Variants in ARNT observed in about 807,000 individuals in gnomAD.
ARNT encodes aryl hydrocarbon receptor nuclear translocator, also known as class E basic helix-loop-helix protein 2.
A neutral mutation model predicts 105.0 loss-of-function variants in ARNT; 30 were observed. The ratio of observed to expected loss-of-function variants is 0.29; its 90% CI spans 0.21 to 0.39. The LOEUF (loss-of-function observed/expected upper bound fraction) is 0.39. ARNT is among the 10% of genes least tolerant of loss of function. The pLI is 1.00. For synonymous variants in ARNT, 304 were observed against 344.0 expected (o/e 0.88, Z 1.29); for missense variants, 748 against 978.7 (o/e 0.76, Z 3.15).
intron 1 of ARNT, among the ~76,000 whole-genome samples, chr1:150,875,036 T>C (rs1668035662): frequency 6.6e-6 from 1 of 152,216 alleles, no homozygotes; most frequent in African/African-American, 2.4e-5. Context: ...AGGCCACTTC[T>C]TAATAAGAGA....
chr1:150,873,760 A>C (rs1667826967), intron 1 of ARNT, among the ~76,000 whole-genome samples: 1 of 152,024 alleles, frequency 6.6e-6, no homozygotes, highest in African/African-American at 2.4e-5. Flanking sequence ...TTCTACAAAA[A>C]GTTAAAAAAT....
intron 1 of ARNT, 134 bp from the exon 2 acceptor site, chr1:150,858,594 C>A: frequency 1.5e-6 from 1 of 663,102 alleles, no homozygotes; most frequent in Non-Finnish European, 2.5e-6. Flanking sequence ...CCCAAATGCT[C>A]ATATCCAGAT....
intron 1 of ARNT, among the ~76,000 whole-genome samples, chr1:150,862,876 C>T (rs1665896398): frequency 1.3e-5 from 2 of 151,776 alleles, no homozygotes; most frequent in Non-Finnish European, 1.5e-5. Context: ...TATGGTGAAA[C>T]TCCGTGTCTA....
rs1307503140 is a variant in ARNT at position 150,826,609 on chromosome 1, T to C, written c.1176A>G (p.Leu392=). ...GACAGAATTCTACAATATTCTTTCCTAAGAGTTCCTAGAATACAGAAAGAA... is the reference window on the plus strand; with the variant it reads ...GACAGAATTCTACAATATTCTTTCCCAAGAGTTCCTAGAATACAGAAAGAA... ...ATVGYQPQEL[L]GKNIVEFCHP... is the part of the protein sequence containing the mutation. The change falls in exon 13 of 22, where the codon TTA becomes TTG. Residue 392 remains leucine, a synonymous_variant. Coordinates refer to ENST00000358595, the MANE Select transcript of ARNT (RefSeq NM_001668.4). The C allele has an allele frequency of 6.2e-7, 1 of 1,609,650 alleles. No homozygotes were observed. Among genetic ancestry groups the C allele is most frequent in the Admixed American group, 1.7e-5 (1 of 59,958 alleles).
intron 15 of ARNT, among the ~76,000 whole-genome samples, 172 bp from the exon 16 acceptor site, chr1:150,817,605 C>T (rs949235661): frequency 4.6e-5 from 7 of 151,994 alleles, no homozygotes; most frequent in Non-Finnish European, 8.8e-5. Flanking sequence ...GTCAGGAGTT[C>T]GACACCAGCC....
At chr1:150,840,630 T>C (rs1557901846) in intron 5 of ARNT, among the ~76,000 whole-genome samples, 1 of 152,220 alleles carries the variant, frequency 6.6e-6, no homozygotes, top group Non-Finnish European at 1.5e-5. Flanking sequence ...CACCATCTAC[T>C]AAAAGTCCCA....
Position 150,816,252 on chromosome 1 carries a change from G to T in ARNT, c.1950+7C>A. 1 of 1,599,054 alleles carries T rather than the reference G, an allele frequency of 6.3e-7. No homozygotes were observed. The highest frequency in any genetic ancestry group is 8.5e-7 in the Non-Finnish European group (1 of 1,175,696). ...TACACAGGGAACACACAGATGATAA[G>T]TTTTACCTGGGCAGAAAAGCCTGAG... is the stretch of plus-strand genomic sequence containing the variant. On this transcript the variant is annotated splice_region_variant and intron_variant, in intron 19 of 21. Coordinates refer to ENST00000358595, the MANE Select transcript of ARNT (RefSeq NM_001668.4).
In ARNT at chr1:150,814,148, A is replaced by G. The variant is rs769627388; in HGVS notation, c.2042T>C (p.Leu681Pro). ...QTPSSFSSMS[L>P]PGAPTASPGA... is the part of the protein sequence containing the mutation. ...AGGCGATGCAGTTGGGGCACCAGGG[A>G]GGGACATGGAGCTGAAGGAGGATGG... The change falls in exon 20 of 22, where the codon CTC becomes CCC. Residue 681 changes from leucine to proline, a missense_variant. Physicochemically the swap from Leu to Pro is moderately conservative, Grantham distance 98. Transcript: ENST00000358595. 1 of 1,614,172 alleles carries G rather than the reference A, an allele frequency of 6.2e-7. No individual in the cohort carries two copies. The highest frequency in any genetic ancestry group is 8.5e-7 in the Non-Finnish European group (1 of 1,180,024).
intron 10 of ARNT, 139 bp from the exon 11 acceptor site, chr1:150,830,119 G>A (rs1013179927): frequency 1.1e-6 from 1 of 891,206 alleles, no homozygotes; most frequent in Non-Finnish European, 1.7e-6. Flanking sequence ...AACACTTTGG[G>A]AAGCCAAGGT....
intron 21 of ARNT, among the ~76,000 whole-genome samples, chr1:150,812,950 G>C (rs765867480): frequency 3.0e-4 from 46 of 152,276 alleles, no homozygotes; most frequent in Non-Finnish European, 4.3e-4. Flanking sequence ...CCCTGCTTCA[G>C]CCTTCTAAGG....
intron 14 of ARNT, among the ~76,000 whole-genome samples, chr1:150,821,432 C>A (rs587605667): frequency 3.9e-5 from 6 of 152,290 alleles, no homozygotes; most frequent in African/African-American, 9.6e-5. Context: ...GAGTGAATTG[C>A]TCATGAAGAG....
intron 1 of ARNT, among the ~76,000 whole-genome samples, chr1:150,864,965 C>T (rs1034186024): frequency 1.3e-5 from 2 of 148,466 alleles, no homozygotes. Flanking sequence ...TTGAATGCCA[C>T]GATGAAACAC....
At chr1:150,849,184 C>T (rs1230736672) in intron 3 of ARNT, among the ~76,000 whole-genome samples, 1 of 151,758 alleles carries the variant, frequency 6.6e-6, no homozygotes, top group Non-Finnish European at 1.5e-5. Flanking sequence ...GCCTGGGCAA[C>T]AAGAGTGAAA....
chr1:150,858,315 A>C, intron 2 of ARNT, 34 bp downstream of exon 2: 13 of 1,506,098 alleles, frequency 8.6e-6, no homozygotes, highest in Non-Finnish European at 1.2e-5. Flanking sequence ...GGTTTATAGG[A>C]GAGATATTCA....
chr1:150,844,009 A>G (rs1368421315), intron 4 of ARNT, among the ~76,000 whole-genome samples: 1 of 152,252 alleles, frequency 6.6e-6, no homozygotes, highest in African/African-American at 2.4e-5. Context: ...CACATTAAGC[A>G]GGACAAATGA....
intron 5 of ARNT, 127 bp from the exon 6 acceptor site, chr1:150,839,781 C>G (rs1217590143): frequency 1.0e-6 from 1 of 999,606 alleles, no homozygotes; most frequent in Non-Finnish European, 1.5e-6. Flanking sequence ...ATGCTTAAGT[C>G]TCAGCAGTTA....
intron 9 of ARNT, 42 bp from the exon 10 acceptor site, chr1:150,831,945 A>G: frequency 7.8e-7 from 1 of 1,277,990 alleles, no homozygotes. Flanking sequence ...AAAAAAATCT[A>G]CCCGTAAAAC....
intron 3 of ARNT, among the ~76,000 whole-genome samples, chr1:150,850,693 C>T (rs2102144737): frequency 6.6e-6 from 1 of 152,336 alleles, no homozygotes; most frequent in African/African-American, 2.4e-5. Context: ...CAGCCTCTGC[C>T]TGGCCGCCAC....
At chr1:150,874,420 T>C (rs1667944198) in intron 1 of ARNT, among the ~76,000 whole-genome samples, 1 of 152,204 alleles carries the variant, frequency 6.6e-6, no homozygotes, top group South Asian at 2.1e-4. Flanking sequence ...GGTCAAAGTG[T>C]CTCACATCTG....
Sources: gnomAD v4.1 joint callset for allele counts (sites outside exome capture counted in the v4.1 genomes callset) on GRCh38, gnomAD v4.1.1 for gene constraint, MANE v1.5 for transcripts, NCBI Gene and HGNC (gene_info 2026-07-23, HGNC 2026-07-21) for gene names.